The following LAMA2 variants were observed in gnomAD, a reference collection of about 807,000 sequenced individuals.
LAMA2 encodes laminin subunit alpha-2.
In LAMA2, 269 loss-of-function variants were observed where a neutral mutation model predicts 364.8. That is an observed-to-expected ratio of 0.74 (90% CI 0.67 to 0.82). The LOEUF (loss-of-function observed/expected upper bound fraction) is 0.82. LAMA2 is among the 40% of genes least tolerant of loss of function. LAMA2 has a pLI of 0.00. For missense variants in LAMA2, 3,807 were observed against 3,873.2 expected (o/e 0.98, Z 0.45); for synonymous variants, 1,379 against 1,370.6 (o/e 1.01, Z -0.14).
intron 6 of LAMA2, among the ~76,000 whole-genome samples, chr6:129,148,273 T>C (rs937136262): frequency 7.9e-5 from 12 of 152,066 alleles, no homozygotes; most frequent in South Asian, 4.1e-4. Context: ...AAACACTATA[T>C]GTTCTCACTC....
At chr6:129,114,723 A>T (rs1776362603) in intron 4 of LAMA2, among the ~76,000 whole-genome samples, 1 of 151,974 alleles carries the variant, frequency 6.6e-6, no homozygotes, top group Non-Finnish European at 1.5e-5. Flanking sequence ...TTTGGGTTCC[A>T]TGAGGGAGAG....
At chr6:129,224,346 C>T (rs1260169719) in intron 12 of LAMA2, among the ~76,000 whole-genome samples, 1 of 152,148 alleles carries the variant, frequency 6.6e-6, no homozygotes, top group Non-Finnish European at 1.5e-5. Context: ...TTACTTTCTC[C>T]TGCCTGATTG....
chr6:129,481,180 C>A, intron 54 of LAMA2, 83 bp from the exon 55 acceptor site: 1 of 1,022,576 alleles, frequency 9.8e-7, no homozygotes, highest in Non-Finnish European at 1.6e-6. Flanking sequence ...ACATTAATTG[C>A]ATCGAGGAGG....
rs1260384367 is a variant in LAMA2, at chr6:129,165,497, G to A, written c.1207-79G>A. The stretch of plus-strand genomic sequence containing the variant: ...TGCTCTGTATTATTAAAACTACTTT[G>A]TCTATAAAAGTTTGCTGAAGTGAAA... On this transcript the variant is annotated intron_variant, in intron 8 of 64. Transcript: ENST00000421865. 3 of 849,620 alleles carry A rather than the reference G, an allele frequency of 3.5e-6. No homozygotes were observed. In the African/African-American group the frequency reaches 5.0e-5, roughly 14 times the overall value. 52.6% of individuals were successfully genotyped at this position (849,620 alleles called of 1,614,324 possible).
At chr6:129,299,005 A>T (rs1179625691) in intron 21 of LAMA2, among the ~76,000 whole-genome samples, 2 of 152,152 alleles carry the variant, frequency 1.3e-5, no homozygotes, top group African/African-American at 2.4e-5. Context: ...AATATGAATT[A>T]ATGAGGTAGT....
In LAMA2 at chr6:129,048,493, TTTCCTTCC is replaced by T. The variant is rs1300484688; in HGVS notation, c.113-1382_113-1375del. 2.2e-3 allele frequency among the ~76,000 whole-genome samples: 111 copies of T among 51,310 alleles called. 1 individual carries two copies. The highest frequency in any genetic ancestry group is 5.8e-3 in the African/African-American group (76 of 13,126). The allele number at this position is 51,310 out of a possible 152,430, so 33.7% of individuals were successfully genotyped here. On this transcript the variant is annotated intron_variant, in intron 1 of 64. Transcript: ENST00000421865. ...CTTTCTTTCTTTCTTTCTTTCTTTC[TTTCCTTCC>T]TTCCTTCCTTCCTTCCTTCCTTCCT...
At chr6:129,460,671 A>AC in intron 49 of LAMA2, among the ~76,000 whole-genome samples, 1 of 151,348 alleles carries the variant, frequency 6.6e-6, no homozygotes, top group South Asian at 2.1e-4. Flanking sequence ...CATTGTTATA[A>AC]TTTTTTTTTC....
intron 12 of LAMA2, among the ~76,000 whole-genome samples, chr6:129,211,300 A>G (rs907450528): frequency 6.6e-6 from 1 of 152,232 alleles, no homozygotes; most frequent in African/African-American, 2.4e-5. Context: ...CAAAGCAACT[A>G]GAATGATTCA....
At chr6:129,112,156 C>A (rs1562248216) in intron 4 of LAMA2, among the ~76,000 whole-genome samples, 1 of 151,878 alleles carries the variant, frequency 6.6e-6, no homozygotes, top group Non-Finnish European at 1.5e-5. Context: ...GATAAACTAC[C>A]TTTATTGCAA....
intron 1 of LAMA2, among the ~76,000 whole-genome samples, chr6:128,899,597 T>C (rs1174389751): frequency 6.6e-6 from 1 of 152,202 alleles, no homozygotes; most frequent in Non-Finnish European, 1.5e-5. Flanking sequence ...AAACATTTTA[T>C]GTGTACTTTT....
At position 129,190,250 on chromosome 6, in the gene LAMA2, T is replaced by C. The variant is rs756343242; in HGVS notation, c.1513T>C (p.Phe505Leu). 6 of 1,613,624 alleles carry C rather than the reference T, an allele frequency of 3.7e-6. No individual in the cohort carries two copies. The African/African-American group carries it at 6.7e-5, about 18-fold the overall frequency. ...CTGTAGTCGTTGCAAATCCGGCTTC[T>C]TCAATTTGCAAGAGGATAATTGGAA... ...GDCSRCKSGF[F>L]NLQEDNWKGC... The change falls in exon 11 of 65, where the codon TTC (phenylalanine) becomes CTC (leucine). Residue 505 changes from phenylalanine (F) to leucine (L), a missense_variant. Physicochemically the swap from Phe to Leu is conservative, Grantham distance 22. Around this residue, in one of 3 missense-constraint regions of LAMA2, gnomAD observed 3,333 missense variants for 3,345.7 expected, o/e 1.00. Coordinates refer to ENST00000421865, the MANE Select transcript of LAMA2 (RefSeq NM_000426.4).
At position 129,320,517 on chromosome 6, in the gene LAMA2, G is replaced by A. The variant is rs373871770; in HGVS notation, c.4059-21G>A. On this transcript the variant is annotated intron_variant, in intron 27 of 64. Transcript: ENST00000421865. ...TTAACTGACTGTCATAGTAATCTAAGTACATTCTCGCTGTTTCTAGGATTT... is the reference window on the plus strand; with the variant it reads ...TTAACTGACTGTCATAGTAATCTAAATACATTCTCGCTGTTTCTAGGATTT... 16 of 1,349,746 alleles carry A rather than the reference G, an allele frequency of 1.2e-5. No individual in the cohort carries two copies. In the African/African-American group the frequency reaches 2.1e-4, roughly 18 times the overall value. 83.6% of individuals were successfully genotyped at this position (1,349,746 alleles called of 1,614,324 possible).
At position 129,464,137 on chromosome 6, in the gene LAMA2, G is replaced by A. The variant is rs2297741; in HGVS notation, c.6993-153G>A. Among the ~76,000 whole-genome samples the A allele has an allele frequency of 0.18, 26,626 of 151,920 alleles. 2,512 individuals carry two copies. Among genetic ancestry groups the A allele is most frequent in the African/African-American group, 0.24 (9,972 of 41,474 alleles). On this transcript the variant is annotated intron_variant, in intron 49 of 64. Coordinates refer to ENST00000421865, the MANE Select transcript of LAMA2 (RefSeq NM_000426.4). ...TTTTACTTATTCTAGCACGGTGGCA[G>A]TAGAGATGGAGATAAGTGGAAGGAA...
At chr6:129,243,215 T>C (rs1785507167) in intron 12 of LAMA2, among the ~76,000 whole-genome samples, 2 of 152,222 alleles carry the variant, frequency 1.3e-5, no homozygotes, top group African/African-American at 2.4e-5. Context: ...ACATGGAAAG[T>C]ATAATTGGGC....
chr6:129,335,359 G>GGT (rs1775894563), intron 29 of LAMA2, among the ~76,000 whole-genome samples: 1 of 99,060 alleles, frequency 1.0e-5, no homozygotes, highest in African/African-American at 2.9e-5. Context: ...TAAGTAGGTA[G>GGT]ATAGATAGAT....
chr6:129,344,122 A>T (rs1776414948), intron 30 of LAMA2, among the ~76,000 whole-genome samples: 1 of 152,184 alleles, frequency 6.6e-6, no homozygotes, highest in Admixed American at 6.6e-5. Context: ...TTTGAAAAAA[A>T]GGTTAATATG....
chr6:129,238,201 A>G (rs1785133116), intron 12 of LAMA2, among the ~76,000 whole-genome samples: 1 of 152,018 alleles, frequency 6.6e-6, no homozygotes, highest in Non-Finnish European at 1.5e-5. Context: ...AGAGACAATT[A>G]TATTTTTTTC....
At chr6:129,197,101 C>T (rs976781857) in intron 12 of LAMA2, among the ~76,000 whole-genome samples, 1 of 152,178 alleles carries the variant, frequency 6.6e-6, no homozygotes, top group Non-Finnish European at 1.5e-5. Context: ...TCTAACCTCA[C>T]TCTGGTATAG....
intron 1 of LAMA2, among the ~76,000 whole-genome samples, chr6:128,925,828 A>G (rs1382027412): frequency 2.6e-5 from 4 of 151,638 alleles, no homozygotes; most frequent in Admixed American, 1.3e-4. Context: ...TTTTTTTTTC[A>G]CATAAATGCT....
Sources: allele counts gnomAD v4.1 joint callset (sites outside exome capture counted in the v4.1 genomes callset), GRCh38; gene constraint gnomAD v4.1.1; regional missense constraint gnomAD v4.1.1; transcripts MANE v1.5; gene names NCBI Gene and HGNC (gene_info 2026-07-23, HGNC 2026-07-21).